Variants in NF2 observed in about 807,000 individuals in gnomAD.
NF2 encodes merlin.
A neutral mutation model predicts 83.7 loss-of-function variants in NF2; 8 were observed. That is an observed-to-expected ratio of 0.10 (90% CI 0.06 to 0.17). NF2 has a LOEUF of 0.17. NF2 is among the 10% of genes least tolerant of loss of function. NF2 has a pLI of 1.00. For missense variants in NF2, 533 were observed against 744.4 expected (o/e 0.72, Z 3.31); for synonymous variants, 266 against 269.6 (o/e 0.99, Z 0.13).
At chr22:29,614,509 G>C (rs906025179) in intron 1 of NF2, among the ~76,000 whole-genome samples, 1 of 151,594 alleles carries the variant, frequency 6.6e-6, no homozygotes, top group African/African-American at 2.4e-5. Flanking sequence ...GTGAATCCAG[G>C]AGGTGGAGCT....
rs918541351 is a variant in NF2, at chr22:29,603,709, C to T, written c.-290C>T. The T allele has an allele frequency of 6.7e-6, 3 of 450,966 alleles. No homozygotes were observed. The highest frequency in any genetic ancestry group is 4.1e-5 in the African/African-American group (2 of 48,784). 27.9% of individuals were successfully genotyped at this position (450,966 alleles called of 1,614,324 possible). A position where few individuals can be genotyped will look rare whatever the true frequency, so the allele number is the denominator to read the frequency against. ...TAGGGGTCCCGTCCCGAGGCGTCCC[C>T]GGCATCTCCGGCCCGAATCCCGGAG... On this transcript the variant is annotated 5_prime_UTR_variant, in exon 1 of 16. Coordinates refer to ENST00000338641, the MANE Select transcript of NF2 (RefSeq NM_000268.4).
At position 29,694,620 on chromosome 22, in the gene NF2, T is replaced by G; in HGVS notation, c.1738-132T>G. 2 of 892,126 alleles carry G rather than the reference T, an allele frequency of 2.2e-6. No homozygotes were observed. The highest frequency in any genetic ancestry group is 1.8e-6 in the Non-Finnish European group (1 of 544,724). The allele number at this position is 892,126 out of a possible 1,614,324, so 55.3% of individuals were successfully genotyped here. On this transcript the variant is annotated intron_variant, in intron 15 of 15. Coordinates refer to ENST00000338641, the MANE Select transcript of NF2 (RefSeq NM_000268.4). This position sits in a 1 kb window ranked among gnomAD's most constrained non-coding sequence, Gnocchi z 4.1. ...TATTTGGGACTGACAGCCAACTTCT[T>G]GAGCATCTATTTGAACAGCCTTCCC...
At chr22:29,635,907 G>A (rs1164400505) in intron 1 of NF2, among the ~76,000 whole-genome samples, 1 of 152,182 alleles carries the variant, frequency 6.6e-6, no homozygotes, top group Non-Finnish European at 1.5e-5. Flanking sequence ...GGTTGTATGG[G>A]AACATCCTGG....
rs2147011639 is a variant in NF2 at position 29,661,346 on chromosome 22, C to T, written c.810+7C>T. 1 of 1,613,792 alleles carries T rather than the reference C, an allele frequency of 6.2e-7. No individual in the cohort carries two copies. The highest frequency in any genetic ancestry group is 8.5e-7 in the Non-Finnish European group (1 of 1,180,022). ...CTCGTACAGTGACAAGGAGGTAGGA[C>T]ATGTGTGTACTGCAGATGGGTCCAG... On this transcript the variant is annotated splice_region_variant and intron_variant, in intron 8 of 15. Transcript: ENST00000338641.
At chr22:29,654,626 C>T (rs2146965871) in intron 4 of NF2, 31 bp from the exon 5 acceptor site, 1 of 1,598,884 alleles carries the variant, frequency 6.3e-7, no homozygotes, top group Non-Finnish European at 8.6e-7. Context: ...TTTAGAATCT[C>T]AATCGCCTGC....
intron 1 of NF2, among the ~76,000 whole-genome samples, chr22:29,634,752 AG>A (rs2065603787): frequency 6.6e-6 from 1 of 152,234 alleles, no homozygotes; most frequent in Non-Finnish European, 1.5e-5. Flanking sequence ...TGAAACTTCT[AG>A]TTTTCCAAAA....
At position 29,693,757 on chromosome 22, in the gene NF2, A is replaced by G. The variant is rs1287487510; in HGVS notation, c.1738-995A>G. The stretch of plus-strand genomic sequence containing the variant: ...CCCACGTCCTGGTCGCTTAACAAAC[A>G]TTGAGCTCCTGATCGGCACATAACA... On this transcript the variant is annotated intron_variant, in intron 15 of 15. Coordinates refer to ENST00000338641, the MANE Select transcript of NF2 (RefSeq NM_000268.4). Among the ~76,000 whole-genome samples the G allele has an allele frequency of 2.0e-5, 3 of 152,154 alleles. No individual in the cohort carries two copies. In the East Asian group the frequency reaches 5.8e-4, roughly 29 times the overall value.
intron 1 of NF2, among the ~76,000 whole-genome samples, chr22:29,619,944 C>G (rs1239832431): frequency 6.6e-6 from 1 of 152,188 alleles, no homozygotes; most frequent in Non-Finnish European, 1.5e-5. Flanking sequence ...TTTGATATAA[C>G]AGGGACTCAT....
intron 4 of NF2, 99 bp downstream of exon 4, chr22:29,642,384 A>G (rs2065835340): frequency 3.2e-6 from 3 of 946,578 alleles, no homozygotes; most frequent in Non-Finnish European, 3.3e-6. Flanking sequence ...TACTTCAGAG[A>G]GACTTGCCCC....
chr22:29,629,293 G>A (rs185116585), intron 1 of NF2, among the ~76,000 whole-genome samples: 4 of 152,092 alleles, frequency 2.6e-5, no homozygotes, highest in East Asian at 1.9e-4. Flanking sequence ...TATCTTCTTC[G>A]CTTAATCAAA....
At chr22:29,661,014 G>C (rs1301468171) in intron 7 of NF2, among the ~76,000 whole-genome samples, 191 bp from the exon 8 acceptor site, 1 of 152,200 alleles carries the variant, frequency 6.6e-6, no homozygotes, top group Non-Finnish European at 1.5e-5. Flanking sequence ...CACAAGAATG[G>C]AACAGTTTTG....
intron 1 of NF2, among the ~76,000 whole-genome samples, chr22:29,604,844 A>G (rs537505462): frequency 2.3e-4 from 35 of 152,354 alleles, no homozygotes; most frequent in African/African-American, 8.4e-4. Context: ...TCAACTTTGT[A>G]GACTAGAGAA....
intron 7 of NF2, 145 bp from the exon 8 acceptor site, chr22:29,661,060 C>T (rs2066463513): frequency 1.7e-6 from 2 of 1,209,976 alleles, no homozygotes; most frequent in East Asian, 4.7e-5. Flanking sequence ...CTGAAATCTT[C>T]TTGGTTTATA....
At chr22:29,668,966 C>T (rs1158434684) in intron 10 of NF2, among the ~76,000 whole-genome samples, 1 of 152,254 alleles carries the variant, frequency 6.6e-6, no homozygotes, top group African/African-American at 2.4e-5. Context: ...ACTGGATGAT[C>T]TGCATCATTG....
chr22:29,674,532 G>T (rs998190842), intron 12 of NF2, among the ~76,000 whole-genome samples: 4 of 152,204 alleles, frequency 2.6e-5, no homozygotes, highest in African/African-American at 9.7e-5. Context: ...AGCAGAGAAA[G>T]CTGCTGGTGC....
intron 15 of NF2, 134 bp downstream of exon 15, chr22:29,681,735 T>G (rs2067143281): frequency 9.4e-7 from 1 of 1,068,704 alleles, no homozygotes; most frequent in Admixed American, 2.1e-5. Context: ...TTGAGGAAAT[T>G]TTTTAACTTA....
chr22:29,653,971 G>A (rs1201540677), intron 4 of NF2, among the ~76,000 whole-genome samples: 7 of 138,396 alleles, frequency 5.1e-5, no homozygotes, highest in Non-Finnish European at 1.0e-4. Context: ...TATCAGACTT[G>A]AGTTTTCTAG....
intron 15 of NF2, among the ~76,000 whole-genome samples, chr22:29,690,420 C>T (rs561950555): frequency 2.0e-5 from 3 of 152,276 alleles, no homozygotes; most frequent in South Asian, 2.1e-4. Context: ...TCTCCCCTGC[C>T]GTCTCACAGC....
At chr22:29,681,804 G>A (rs182854724) in intron 15 of NF2, among the ~76,000 whole-genome samples, 301 of 152,298 alleles carry the variant, frequency 2.0e-3, no homozygotes, top group Non-Finnish European at 3.4e-3. Flanking sequence ...GATGGAAGTT[G>A]AGCTTGTGTT....
Sources: gnomAD v4.1 joint callset for allele counts (sites outside exome capture counted in the v4.1 genomes callset) on GRCh38, gnomAD v4.1.1 for gene constraint, Gnocchi (gnomAD v3.1) non-coding constraint, MANE v1.5 for transcripts, NCBI Gene and HGNC (gene_info 2026-07-23, HGNC 2026-07-21) for gene names.